Variants in PRSS36 observed in about 807,000 individuals in gnomAD.
PRSS36 encodes polyserase-2.
Under a neutral mutation model 94.3 loss-of-function variants are expected in PRSS36, and 90 were observed. That is an observed-to-expected ratio of 0.95 (90% CI 0.80 to 1.14). The LOEUF (loss-of-function observed/expected upper bound fraction) is 1.14. Among genes scored for constraint, PRSS36 ranks in the 50% most tolerant of loss-of-function variants. The probability of loss-of-function intolerance (pLI) is 0.00; values close to 1 mark genes in which losing one functional copy is unlikely to be tolerated. For missense variants in PRSS36, 1,158 were observed against 1,135.0 expected (o/e 1.02, Z -0.29); for synonymous variants, 500 against 489.6 (o/e 1.02, Z -0.28).
Position 31,141,514 on chromosome 16 carries a change from A to G in PRSS36, c.1856T>C (p.Leu619Pro). 2 of 1,613,100 alleles carry G rather than the reference A, an allele frequency of 1.2e-6. No individual in the cohort carries two copies. The highest frequency in any genetic ancestry group is 4.5e-5 in the East Asian group (2 of 44,884). ...TGCCAGGACCCAGCCTGGGGCCAGG[A>G]GGATCCCAGTGCAGACTCGATCACC... ...VAGDRVCTGI[L>P]LAPGWVLAAT... is the part of the protein sequence containing the mutation. The change falls in exon 12 of 15, where the codon CTC (leucine) becomes CCC (proline). Residue 619 changes from leucine to proline, a missense_variant. Leu to Pro is a moderately conservative substitution (Grantham distance 98). Transcript: ENST00000268281.
chr16:31,142,424 C>T, intron 10 of PRSS36, 57 bp downstream of exon 10: 1 of 1,406,408 alleles, frequency 7.1e-7, no homozygotes. Context: ...CAGGCCCCGC[C>T]CTCTTCCTAG....
At position 31,148,413 on chromosome 16, in the gene PRSS36, C is replaced by G; in HGVS notation, c.535G>C (p.Gly179Arg). The change falls in exon 5 of 15, where the codon GGA (glycine) becomes CGA (arginine). Residue 179 changes from glycine (G) to arginine (R), a missense_variant. By Grantham distance (125) the Gly-to-Arg change is moderately radical. Transcript: ENST00000268281. ...CACTCACCTGCCTCCTGGACGTCTC[C>G]CCAGCCGGTGGCCCAGCAGGCGGTG... ...HGTACWATGW[G>R]DVQEADPLPL... 6.4e-7 allele frequency: 1 copy of G among 1,571,346 alleles called. No homozygotes were observed. The highest frequency in any genetic ancestry group is 8.6e-7 in the Non-Finnish European group (1 of 1,167,342).
intron 14 of PRSS36, 84 bp downstream of exon 14, chr16:31,140,210 A>C: frequency 7.1e-7 from 1 of 1,418,044 alleles, no homozygotes; most frequent in Non-Finnish European, 9.4e-7. Context: ...AAAAAAAAAA[A>C]TTCCAATTCT....
At position 31,142,712 on chromosome 16, in the gene PRSS36, G is replaced by C; in HGVS notation, c.1357+25C>G. On this transcript the variant is annotated intron_variant, in intron 9 of 14. Coordinates refer to ENST00000268281, the MANE Select transcript of PRSS36 (RefSeq NM_173502.5). ...GCCCCTGCACCGCCCGGTGCCGCCC[G>C]GCCCAGCGCCGGTCCCCAGCTCACC... The C allele has an allele frequency of 3.0e-6, 4 of 1,341,844 alleles. No individual in the cohort carries two copies. The South Asian group carries it at 8.0e-5, about 27-fold the overall frequency. The allele number at this position is 1,341,844 out of a possible 1,614,324, so 83.1% of individuals were successfully genotyped here.
At position 31,149,242 on chromosome 16, in the gene PRSS36, C is replaced by T. The variant is rs780358397; in HGVS notation, c.110-7G>A. The T allele has an allele frequency of 4.5e-6, 7 of 1,546,464 alleles. No individual in the cohort carries two copies. The highest frequency in any genetic ancestry group is 6.1e-6 in the Non-Finnish European group (7 of 1,145,252). On this transcript the variant is annotated splice_polypyrimidine_tract_variant and splice_region_variant and intron_variant, in intron 3 of 14. Coordinates refer to ENST00000268281, the MANE Select transcript of PRSS36 (RefSeq NM_173502.5). ...GGCTCAGGGCGCCCGCAGTCTGCAA[C>T]GGGGAGCCGTGGAAGCCAAAGCTCC...
Position 31,140,381 on chromosome 16 carries a change from T to C in PRSS36, c.2202A>G (p.Gln734=). 6.2e-7 allele frequency: 1 copy of C among 1,613,926 alleles called. No homozygotes were observed. Among genetic ancestry groups the C allele is most frequent in the Non-Finnish European group, 8.5e-7 (1 of 1,179,956 alleles). ...CCTGATAGAGGCAGTCACAGATTCG[T>C]TGTGTCAAGATGGAGACAGCAGCAG... ...PVAAAVSILT[Q]RICDCLYQGI... The change falls in exon 14 of 15, where the codon CAA becomes CAG. Residue 734 remains glutamine (Q), a synonymous_variant. Coordinates refer to ENST00000268281, the MANE Select transcript of PRSS36 (RefSeq NM_173502.5).
In PRSS36 at chr16:31,149,723, G is replaced by A. The variant is rs2057867926; in HGVS notation, c.46C>T (p.Pro16Ser). Residue 16 changes from proline to serine, a missense_variant, in exon 2 of 15, where the codon CCC becomes TCC. Physicochemically the swap from Pro to Ser is moderately conservative, Grantham distance 74. Transcript: ENST00000268281. ...GAGTCCTGGAAGGCTCCTGGGATGG[G>A]ACTGATGACTGGAAAGACAGAGGTA... The part of the protein sequence containing the change: ...LLPLVMLVIS[P>S]IPGAFQDSAL... 1 of 1,614,188 alleles carries A rather than the reference G, an allele frequency of 6.2e-7. No individual in the cohort carries two copies. The highest frequency in any genetic ancestry group is 1.3e-5 in the African/African-American group (1 of 75,048).
intron 14 of PRSS36, 75 bp downstream of exon 14, chr16:31,140,219 C>G (rs1340815793): frequency 3.5e-6 from 5 of 1,421,340 alleles, no homozygotes; most frequent in East Asian, 4.9e-5. Context: ...AATTCCAATT[C>G]TGCTATCTCT....
chr16:31,140,048 G>A (rs948215969), intron 14 of PRSS36, among the ~76,000 whole-genome samples: 5 of 149,718 alleles, frequency 3.3e-5, no homozygotes, highest in East Asian at 2.0e-4. Context: ...AAAATTAGCC[G>A]GGCGTAGTAG....
In PRSS36 at chr16:31,142,651, G is replaced by A. The variant is rs768817683; in HGVS notation, c.1358-7C>T. 4.1e-6 allele frequency: 6 copies of A among 1,454,706 alleles called. No homozygotes were observed. Among genetic ancestry groups the A allele is most frequent in the East Asian group, 2.7e-5 (1 of 36,912 alleles). The allele number at this position is 1,454,706 out of a possible 1,614,324, so 90.1% of individuals were successfully genotyped here. A position where few individuals can be genotyped will look rare whatever the true frequency, so the allele number is the denominator to read the frequency against. ...CCTGGGCCAAGCGCGGGTTCTGGAA[G>A]GGAAAAGGCAGGGAGCCCGCGCTGC... On this transcript the variant is annotated splice_polypyrimidine_tract_variant and splice_region_variant and intron_variant, in intron 9 of 14. Coordinates refer to ENST00000268281, the MANE Select transcript of PRSS36 (RefSeq NM_173502.5).
Position 31,148,450 on chromosome 16 carries a change from G to T in PRSS36, c.498C>A (p.Arg166=). Residue 166 remains arginine (R), a synonymous_variant, in exon 5 of 15, where the codon CGC becomes CGA. Transcript: ENST00000268281. ...CCCAGCAGGCGGTGCCGTGCACGAA[G>T]CGGTGTGAGGCGCGGGGCAGGCAGA... ...WPVCLPRASH[R]FVHGTACWAT... 1 of 1,573,944 alleles carries T rather than the reference G, an allele frequency of 6.4e-7. No homozygotes were observed.
Position 31,140,353 on chromosome 16 carries a change from T to G in PRSS36, c.2230A>C (p.Ile744Leu). 1 of 1,614,086 alleles carries G rather than the reference T, an allele frequency of 6.2e-7. No homozygotes were observed. Among genetic ancestry groups the G allele is most frequent in the South Asian group, 1.1e-5 (1 of 91,052 alleles). The change falls in exon 14 of 15, where the codon ATC (isoleucine) becomes CTC (leucine). Residue 744 changes from isoleucine to leucine, a missense_variant. Physicochemically the swap from Ile to Leu is conservative, Grantham distance 5. Coordinates refer to ENST00000268281, the MANE Select transcript of PRSS36 (RefSeq NM_173502.5). ...ACACAGAGGGTTCCAGGGGGCAGGA[T>G]GCCCTGATAGAGGCAGTCACAGATT... ...QRICDCLYQG[I>L]LPPGTLCVLY...
Position 31,141,753 on chromosome 16 carries a change from G to GT in PRSS36, c.1728dup (p.Gln577ThrfsTer36). On this transcript the variant is annotated frameshift_variant, in exon 11 of 15. Coordinates refer to ENST00000268281, the MANE Select transcript of PRSS36 (RefSeq NM_173502.5). LOFTEE classifies it high-confidence loss of function. ...TGCTCTGTGTGTGGGGGACAAGTCT[G>GT]TGTCTCAGTCTCCTCCCCATCAGGG... 1.2e-6 allele frequency: 2 copies of GT among 1,614,054 alleles called. No individual in the cohort carries two copies. Among genetic ancestry groups the GT allele is most frequent in the Non-Finnish European group, 8.5e-7 (1 of 1,179,936 alleles).
chr16:31,148,602 C>T lies in PRSS36; in HGVS notation c.346G>A (p.Gly116Ser). 1.9e-6 allele frequency: 3 copies of T among 1,611,444 alleles called. No homozygotes were observed. Among genetic ancestry groups the T allele is most frequent in the Non-Finnish European group, 2.5e-6 (3 of 1,179,168 alleles). The change falls in exon 5 of 15, where the codon GGC becomes AGC. Residue 116 changes from glycine to serine, a missense_variant. Physicochemically the swap from Gly to Ser is moderately conservative, Grantham distance 56. Coordinates refer to ENST00000268281, the MANE Select transcript of PRSS36 (RefSeq NM_173502.5). ...GCGGCCACTGCGCGGGTGTGCGCGC[C>T]GTCCAGGGGCCCGTCCTGGGAGTGC... ...GVHSQDGPLDGAHTRAVAAIV... is the reference protein window; with the variant it reads ...GVHSQDGPLDSAHTRAVAAIV...
intron 9 of PRSS36, 22 bp downstream of exon 9, chr16:31,142,715 C>G: frequency 2.9e-6 from 4 of 1,357,624 alleles, no homozygotes; most frequent in African/African-American, 1.5e-5. Context: ...GCCGCCCGGC[C>G]CAGCGCCGGT....
In PRSS36 at chr16:31,145,872, G is replaced by A. The variant is rs773859407; in HGVS notation, c.637C>T (p.Pro213Ser). Residue 213 changes from proline to serine, a missense_variant, in exon 6 of 15, where the codon CCC becomes TCC. Physicochemically the swap from Pro to Ser is moderately conservative, Grantham distance 74. Transcript: ENST00000268281. Reference protein sequence around the residue: ...EATCQCLYSQPGPFNLTLQIL... With the variant: ...EATCQCLYSQSGPFNLTLQIL... ...TGGAGAGTGAGGTTGAAGGGACCGG[G>A]CTGGCTGTAGAGACATTGACAGGTG... The A allele has an allele frequency of 6.2e-7, 1 of 1,614,118 alleles. No individual in the cohort carries two copies. Among genetic ancestry groups the A allele is most frequent in the South Asian group, 1.1e-5 (1 of 91,090 alleles).
intron 6 of PRSS36, 77 bp from the exon 7 acceptor site, chr16:31,143,914 AAC>A: frequency 6.4e-7 from 1 of 1,559,454 alleles, no homozygotes. Flanking sequence ...CTTTTGGCCC[AAC>A]ATACACCACC....
chr16:31,140,552 C>A lies in PRSS36; in HGVS notation c.2107G>T (p.Ala703Ser). Residue 703 changes from alanine (A) to serine (S), a missense_variant, in exon 13 of 15, where the codon GCG (alanine) becomes TCG (serine). Ala to Ser is a moderately conservative substitution (Grantham distance 99). Coordinates refer to ENST00000268281, the MANE Select transcript of PRSS36 (RefSeq NM_173502.5). ...PSALPICLHP[A>S]GIPPGASCWV... is the part of the protein sequence containing the mutation. ...CAGCTGGCCCCCGGGGGGATACCCG[C>A]CGGGTGGAGACAGATGGGCAGGGCT... is the stretch of plus-strand genomic sequence containing the variant. 1 of 1,585,576 alleles carries A rather than the reference C, an allele frequency of 6.3e-7. No individual in the cohort carries two copies. The highest frequency in any genetic ancestry group is 8.6e-7 in the Non-Finnish European group (1 of 1,165,426).
intron 12 of PRSS36, 94 bp downstream of exon 12, chr16:31,141,375 T>G: frequency 1.3e-6 from 1 of 795,274 alleles, no homozygotes. Flanking sequence ...TTAATTTTTT[T>G]TAAACAAACA....
Sources: allele counts gnomAD v4.1 joint callset (sites outside exome capture counted in the v4.1 genomes callset), GRCh38; gene constraint gnomAD v4.1.1; transcripts MANE v1.5; gene names NCBI Gene and HGNC (gene_info 2026-07-23, HGNC 2026-07-21).